Variants in MFSD1 observed in about 807,000 individuals in gnomAD.
MFSD1 encodes major facilitator superfamily domain containing 1.
In MFSD1, 59 loss-of-function variants were observed where a neutral mutation model predicts 67.1. That is an observed-to-expected ratio of 0.88 (90% CI 0.71 to 1.09). MFSD1 has a LOEUF of 1.09. Among genes scored for constraint, MFSD1 ranks in the 50% least tolerant of loss-of-function variants. MFSD1 has a pLI of 0.00. For missense variants in MFSD1, 552 were observed against 566.1 expected, an observed-to-expected ratio of 0.97 and a Z score of 0.25; for synonymous variants, 213 against 200.3, an observed-to-expected ratio of 1.06 and a Z score of -0.54.
At position 158,821,537 on chromosome 3, in the gene MFSD1, T is replaced by G. The variant is rs1730666390; in HGVS notation, c.864-60T>G. 3.6e-6 allele frequency: 4 copies of G among 1,114,054 alleles called. No individual in the cohort carries two copies. The South Asian group carries it at 5.6e-5, about 15-fold the overall frequency. The allele number at this position is 1,114,054 out of a possible 1,614,324, so 69.0% of individuals were successfully genotyped here. Reference sequence around the variant, plus strand: ...CTTGAGTTATTTTTATTCAACTTTATTTTTTGAAAACAGAGTAGTTCTCTC... The same window carrying G: ...CTTGAGTTATTTTTATTCAACTTTAGTTTTTGAAAACAGAGTAGTTCTCTC... On this transcript the variant is annotated intron_variant, in intron 9 of 15. Coordinates refer to ENST00000415822, the MANE Select transcript of MFSD1 (RefSeq NM_022736.4).
intron 11 of MFSD1, chr3:158,823,046 T>C (rs150810470): frequency 4.6e-6 from 1 of 216,814 alleles, no homozygotes; most frequent in African/African-American, 2.3e-5. Context: ...TGGCATGATA[T>C]TGCCTTGATT....
rs1643942002 is a variant in MFSD1 at position 158,829,217 on chromosome 3, G to C, written c.*235G>C. On this transcript the variant is annotated 3_prime_UTR_variant, in exon 16 of 16. Coordinates refer to ENST00000415822, the MANE Select transcript of MFSD1 (RefSeq NM_022736.4). ...TAGTAGGCTAATCAACAATGAAAGGGTTAGAAAATTGCTGTGGAACATCCA... is the reference window on the plus strand; with the variant it reads ...TAGTAGGCTAATCAACAATGAAAGGCTTAGAAAATTGCTGTGGAACATCCA... 5.8e-6 allele frequency: 2 copies of C among 342,418 alleles called. No individual in the cohort carries two copies. Among genetic ancestry groups the C allele is most frequent in the African/African-American group, 4.2e-5 (2 of 47,100 alleles). The allele number at this position is 342,418 out of a possible 1,614,324, so 21.2% of individuals were successfully genotyped here.
chr3:158,804,274 T>TA (rs761687584), intron 1 of MFSD1, 45 bp from the exon 2 acceptor site: 1 of 1,432,040 alleles, frequency 7.0e-7, no homozygotes, highest in African/African-American at 1.4e-5. Flanking sequence ...TTGAAACTTT[T>TA]ATATGGGAAG....
At chr3:158,805,269 A>G in intron 2 of MFSD1, 93 bp from the exon 3 acceptor site, 1 of 1,005,718 alleles carries the variant, frequency 9.9e-7, no homozygotes, top group Non-Finnish European at 1.6e-6. Context: ...AGAAGAATGT[A>G]ACTACTTTCC....
chr3:158,824,263 G>A, intron 13 of MFSD1, 27 bp downstream of exon 13: 1 of 1,499,906 alleles, frequency 6.7e-7, no homozygotes, highest in Non-Finnish European at 9.2e-7. Context: ...ACAACATTTT[G>A]TTTCTTTTAC....
chr3:158,823,677 G>T, intron 12 of MFSD1, 152 bp downstream of exon 12: 1 of 687,686 alleles, frequency 1.5e-6, no homozygotes, highest in Non-Finnish European at 2.6e-6. Flanking sequence ...ATCTATTTAA[G>T]ATACTGTTGT....
chr3:158,808,074 A>G (rs183290945), intron 5 of MFSD1, among the ~76,000 whole-genome samples: 2 of 152,350 alleles, frequency 1.3e-5, no homozygotes, highest in African/African-American at 2.4e-5. Flanking sequence ...GCATGTAGAC[A>G]TAGGTGACAT....
chr3:158,802,360 G>T (rs757553040), intron 1 of MFSD1, 45 bp downstream of exon 1: 1 of 1,605,704 alleles, frequency 6.2e-7, no homozygotes, highest in South Asian at 1.1e-5. Flanking sequence ...AGGAATTCCC[G>T]ACTTTCTCTT....
chr3:158,806,959 T>C (rs552504577), intron 3 of MFSD1, 81 bp from the exon 4 acceptor site: 2 of 1,187,776 alleles, frequency 1.7e-6, no homozygotes, highest in East Asian at 5.1e-5. Flanking sequence ...ACTTTGTGAT[T>C]ACTAATACTA....
chr3:158,825,903 A>G (rs1730941182), intron 13 of MFSD1, 112 bp from the exon 14 acceptor site: 2 of 764,652 alleles, frequency 2.6e-6, no homozygotes, highest in Admixed American at 2.2e-5. Flanking sequence ...TATTTAAAAT[A>G]GCAATTAATA....
In MFSD1 at chr3:158,829,521, A is replaced by C. The variant is rs963225962; in HGVS notation, c.*539A>C. 2.6e-5 allele frequency: 4 copies of C among 152,234 alleles called. No homozygotes were observed. The highest frequency in any genetic ancestry group is 9.6e-5 in the African/African-American group (4 of 41,462). 9.4% of individuals were successfully genotyped at this position (152,234 alleles called of 1,614,324 possible). On this transcript the variant is annotated 3_prime_UTR_variant, in exon 16 of 16. Coordinates refer to ENST00000415822, the MANE Select transcript of MFSD1 (RefSeq NM_022736.4). Reference sequence around the variant, plus strand: ...AACAATAGCTTGCGCTCTACTCTGTAGTTATGTGGATTGCCGAGCAATGAC... The same window carrying C: ...AACAATAGCTTGCGCTCTACTCTGTCGTTATGTGGATTGCCGAGCAATGAC...
intron 10 of MFSD1, 28 bp downstream of exon 10, chr3:158,821,681 C>G (rs1400504128): frequency 1.9e-6 from 3 of 1,549,646 alleles, no homozygotes; most frequent in Admixed American, 3.4e-5. Flanking sequence ...TTGTAAGTGC[C>G]TATTGCATGT....
chr3:158,809,176 TAG>T lies in MFSD1; in HGVS notation c.441-2_441-1del. 1.3e-6 allele frequency: 2 copies of T among 1,555,456 alleles called. No individual in the cohort carries two copies. Among genetic ancestry groups the T allele is most frequent in the African/African-American group, 1.4e-5 (1 of 71,764 alleles). On this transcript the variant is annotated splice_acceptor_variant, in intron 5 of 15. Coordinates refer to ENST00000415822, the MANE Select transcript of MFSD1 (RefSeq NM_022736.4). LOFTEE classifies it high-confidence loss of function. ...TGGTTTTTTTTTTTTTTTCTATTTT[TAG>T]GATTGGTGGCGAGTCCTTAGCAGTT...
chr3:158,821,681 C>T (rs1400504128), intron 10 of MFSD1, 28 bp downstream of exon 10: 3 of 1,549,646 alleles, frequency 1.9e-6, no homozygotes, highest in South Asian at 2.3e-5. Context: ...TTGTAAGTGC[C>T]TATTGCATGT....
intron 6 of MFSD1, among the ~76,000 whole-genome samples, chr3:158,812,020 ATAAATGTT>A: frequency 1.3e-5 from 2 of 152,238 alleles, no homozygotes; most frequent in Non-Finnish European, 2.9e-5. Context: ...CAAGTACTCA[ATAAATGTT>A]TGTTGAAATA....
At chr3:158,807,541 T>C in intron 5 of MFSD1, 78 bp downstream of exon 5, 2 of 1,177,112 alleles carry the variant, frequency 1.7e-6, no homozygotes, top group Admixed American at 1.8e-5. Flanking sequence ...TAAAAAACCT[T>C]GTCTCTTCTG....
intron 15 of MFSD1, among the ~76,000 whole-genome samples, chr3:158,827,976 G>GACAGAGAGAC (rs1371636474): frequency 3.9e-4 from 31 of 78,916 alleles, no homozygotes; most frequent in African/African-American, 1.5e-3. Context: ...GAGAGAGAGA[G>GACAGAGAGAC]AGACAGAGAT....
chr3:158,807,251 A>G (rs1729776257), intron 4 of MFSD1, 145 bp from the exon 5 acceptor site: 7 of 920,356 alleles, frequency 7.6e-6, no homozygotes, highest in Non-Finnish European at 1.2e-5. Context: ...GAAATAAATG[A>G]ACATTAATAT....
chr3:158,822,269 C>G (rs1001028848), intron 11 of MFSD1, 129 bp downstream of exon 11: 9 of 593,490 alleles, frequency 1.5e-5, no homozygotes, highest in Non-Finnish European at 2.5e-5. Context: ...CAACTTGATT[C>G]CAATATCTAC....
Sources: allele counts gnomAD v4.1 joint callset (sites outside exome capture counted in the v4.1 genomes callset), GRCh38; gene constraint gnomAD v4.1.1; transcripts MANE v1.5; gene names NCBI Gene and HGNC (gene_info 2026-07-23, HGNC 2026-07-21).